The following TMEM232 variants were observed in gnomAD, a reference collection of about 807,000 sequenced individuals.
The protein encoded by TMEM232 is transmembrane protein 232.
A neutral mutation model predicts 78.8 loss-of-function variants in TMEM232; 80 were observed. The observed-to-expected ratio is 1.01, with a 90% confidence interval of 0.85 to 1.22. The LOEUF is 1.22. Among genes scored for constraint, TMEM232 ranks in the 50% most tolerant of loss-of-function variants. TMEM232 has a pLI of 0.00. For missense variants in TMEM232, 881 were observed against 742.2 expected (o/e 1.19, Z -2.17); for synonymous variants, 297 against 254.3 (o/e 1.17, Z -1.60).
At chr5:110,708,576 G>T (rs979694469) in intron 1 of TMEM232, among the ~76,000 whole-genome samples, 1 of 81,252 alleles carries the variant, frequency 1.2e-5, no homozygotes, top group Non-Finnish European at 2.5e-5. Flanking sequence ...TTAAAAAACA[G>T]GTGGATGAAG....
chr5:110,490,507 G>A (rs1764970124), intron 12 of TMEM232, among the ~76,000 whole-genome samples: 1 of 152,098 alleles, frequency 6.6e-6, no homozygotes, highest in Non-Finnish European at 1.5e-5. Flanking sequence ...AAACTGGCAA[G>A]TTGATTCTAA....
chr5:110,617,487 A>T (rs1291403710), intron 8 of TMEM232, among the ~76,000 whole-genome samples: 1 of 152,166 alleles, frequency 6.6e-6, no homozygotes, highest in Admixed American at 6.6e-5. Flanking sequence ...TGACTTACTC[A>T]TTCCACAAGA....
At chr5:110,633,187 G>A (rs1379127543) in intron 5 of TMEM232, among the ~76,000 whole-genome samples, 3 of 152,018 alleles carry the variant, frequency 2.0e-5, no homozygotes, top group African/African-American at 4.8e-5. Flanking sequence ...ACAAGCAAAT[G>A]GTAAGAACAT....
chr5:110,417,379 A>G (rs966997815), downstream of TMEM232, among the ~76,000 whole-genome samples: 1 of 152,180 alleles, frequency 6.6e-6, no homozygotes, highest in Non-Finnish European at 1.5e-5. Flanking sequence ...AAGCTGAACA[A>G]TAAGACAGTA....
chr5:110,442,060 A>C (rs1351563988), intron 12 of TMEM232, among the ~76,000 whole-genome samples: 1 of 151,924 alleles, frequency 6.6e-6, no homozygotes, highest in Non-Finnish European at 1.5e-5. Flanking sequence ...ATTATCCTTG[A>C]CCTTCAGGAG....
At chr5:110,734,972 A>G (rs1025386957) in exon 2 of TMEM232, 2 of 152,188 alleles carry the variant, frequency 1.3e-5, no homozygotes, top group Admixed American at 6.5e-5. Context: ...AGATTGCTTG[A>G]GCCAGTTCAA....
intron 11 of TMEM232, among the ~76,000 whole-genome samples, chr5:110,533,752 C>T (rs1212536279): frequency 6.6e-6 from 1 of 152,104 alleles, no homozygotes; most frequent in African/African-American, 2.4e-5. Context: ...GATCTCCTGA[C>T]GTTCACCCCA....
intron 1 of TMEM232, among the ~76,000 whole-genome samples, chr5:110,698,905 G>C (rs547111949): frequency 3.4e-4 from 51 of 152,074 alleles, no homozygotes; most frequent in African/African-American, 1.2e-3. Flanking sequence ...GAGCAATTGC[G>C]ATAAAATTGC....
intron 12 of TMEM232, chr5:110,429,764 G>A (rs1757626635): frequency 1.3e-5 from 2 of 151,678 alleles, no homozygotes; most frequent in Admixed American, 6.6e-5. Flanking sequence ...TAGACTCACT[G>A]GTTGGTATGG....
chr5:110,464,411 T>C (rs1040931365), intron 12 of TMEM232, among the ~76,000 whole-genome samples: 18 of 152,146 alleles, frequency 1.2e-4, no homozygotes, highest in Non-Finnish European at 2.6e-4. Context: ...AAATCTGGAA[T>C]TGCCATCATA....
At chr5:110,627,293 T>C (rs924889871) in intron 6 of TMEM232, among the ~76,000 whole-genome samples, 5 of 152,016 alleles carry the variant, frequency 3.3e-5, no homozygotes, top group African/African-American at 1.2e-4. Flanking sequence ...GGGAGGTAGA[T>C]ACTATTACAA....
At position 110,598,183 on chromosome 5, in the gene TMEM232, T is replaced by C. The variant is rs182103251; in HGVS notation, c.1276+6926A>G. Reference sequence around the variant, plus strand: ...TACAAGAAAAAAACAAACAACCCCATCAAAAAGTGGGCAAAGAATATGAAT... The same window carrying C: ...TACAAGAAAAAAACAAACAACCCCACCAAAAAGTGGGCAAAGAATATGAAT... On this transcript the variant is annotated intron_variant, in intron 10 of 13. Transcript: ENST00000455884. Among the ~76,000 whole-genome samples the C allele has an allele frequency of 3.5e-3, 533 of 151,980 alleles. 10 individuals are homozygous for C. The highest frequency in any genetic ancestry group is 0.031 in the Admixed American group (479 of 15,260).
intron 12 of TMEM232, among the ~76,000 whole-genome samples, chr5:110,466,983 G>A (rs996043339): frequency 6.6e-6 from 1 of 151,736 alleles, no homozygotes; most frequent in African/African-American, 2.4e-5. Flanking sequence ...ATATTACAAT[G>A]ATTATCATTA....
At chr5:110,469,770 C>T (rs558203174) in intron 12 of TMEM232, among the ~76,000 whole-genome samples, 2 of 152,100 alleles carry the variant, frequency 1.3e-5, no homozygotes, top group South Asian at 2.1e-4. Flanking sequence ...GTTGGCTAAG[C>T]GGAGCAGCTA....
intron 2 of TMEM232, among the ~76,000 whole-genome samples, chr5:110,656,464 A>G (rs1463477672): frequency 1.3e-5 from 2 of 152,232 alleles, no homozygotes; most frequent in African/African-American, 2.4e-5. Context: ...CAAGCATCCT[A>G]GACTGAGATA....
At position 110,610,860 on chromosome 5, in the gene TMEM232, T is replaced by C. The variant is rs1782184713; in HGVS notation, c.903-4573A>G. Among the ~76,000 whole-genome samples, 5 of 152,060 alleles carry C rather than the reference T, an allele frequency of 3.3e-5. No individual in the cohort carries two copies. The South Asian group carries it at 1.0e-3, about 32-fold the overall frequency. On this transcript the variant is annotated intron_variant, in intron 8 of 13. Coordinates refer to ENST00000455884, the MANE Select transcript of TMEM232 (RefSeq NM_001039763.4). ...TCATACTTTTTAGAGAAAAAAGAAA[T>C]GGTGATAAATGTTATAGCCAGCCAA...
chr5:110,674,562 T>C (rs1299149219), intron 1 of TMEM232, among the ~76,000 whole-genome samples: 1 of 152,140 alleles, frequency 6.6e-6, no homozygotes, highest in Non-Finnish European at 1.5e-5. Flanking sequence ...ATGTAAACCA[T>C]AAAGAAGTTC....
intron 12 of TMEM232, among the ~76,000 whole-genome samples, chr5:110,524,362 AAAAAG>A (rs1319178580): frequency 4.7e-4 from 50 of 106,470 alleles, no homozygotes; most frequent in East Asian, 1.6e-3. Context: ...AAAGAAAGAA[AAAAAG>A]AAAGAAAGAA....
intron 10 of TMEM232, among the ~76,000 whole-genome samples, chr5:110,595,773 A>G (rs1276878649): frequency 6.6e-6 from 1 of 152,174 alleles, no homozygotes; most frequent in South Asian, 2.1e-4. Flanking sequence ...ATGTGGGACC[A>G]TGTGGAAAGA....
Sources: allele counts gnomAD v4.1 joint callset (sites outside exome capture counted in the v4.1 genomes callset), GRCh38; gene constraint gnomAD v4.1.1; transcripts MANE v1.5; gene names NCBI Gene and HGNC (gene_info 2026-07-23, HGNC 2026-07-21).